PRDM6: variants seen among roughly 807,000 people sequenced by gnomAD.
PRDM6 encodes PR/SET domain 6, also known as putative histone-lysine N-methyltransferase PRDM6.
In PRDM6, 25 loss-of-function variants were observed where a neutral mutation model predicts 60.8. That is an observed-to-expected ratio of 0.41 (90% confidence interval 0.30 to 0.57). The LOEUF (loss-of-function observed/expected upper bound fraction) is 0.57, where lower values mean the gene tolerates loss of function less well. Ranked by LOEUF, PRDM6 falls within the 20% of genes least tolerant of loss-of-function variation. The probability of loss-of-function intolerance (pLI) is 0.27; values close to 1 mark genes in which losing one functional copy is unlikely to be tolerated. For missense variants in PRDM6, 839 were observed against 821.3 expected, an observed-to-expected ratio of 1.02 and a Z score of -0.26; for synonymous variants, 407 against 357.4, an observed-to-expected ratio of 1.14 and a Z score of -1.57.
intron 3 of PRDM6, among the ~76,000 whole-genome samples, chr5:123,125,151 T>G (rs59788802): frequency 5.7e-5 from 8 of 139,770 alleles, no homozygotes; most frequent in African/African-American, 2.1e-4. Flanking sequence ...CCGCACCCCC[T>G]CCCCCCCACC....
At chr5:123,153,433 A>G (rs574930560) in intron 3 of PRDM6, among the ~76,000 whole-genome samples, 1 of 152,322 alleles carries the variant, frequency 6.6e-6, no homozygotes, top group African/African-American at 2.4e-5. Context: ...AGAAAGCAGT[A>G]TCAAGGTTGA....
At position 123,119,167 on chromosome 5, in the gene PRDM6, C is replaced by T. The variant is rs190710468; in HGVS notation, c.900+19206C>T. ...GCATTAACTGTTACTATCTCCTACC[C>T]ACAAATAAACAAACAAGAAAAAAAC... On this transcript the variant is annotated intron_variant, in intron 3 of 7. Coordinates refer to ENST00000407847, the MANE Select transcript of PRDM6 (RefSeq NM_001136239.4). 2.6e-4 allele frequency among the ~76,000 whole-genome samples: 40 copies of T among 151,224 alleles called. No homozygotes were observed. The East Asian group carries it at 5.8e-3, about 22-fold the overall frequency.
chr5:123,161,875 C>G (rs1177001147), intron 5 of PRDM6, among the ~76,000 whole-genome samples: 1 of 152,154 alleles, frequency 6.6e-6, no homozygotes, highest in Non-Finnish European at 1.5e-5. Context: ...GGACAGTAGA[C>G]TGGACAGGGG....
intron 3 of PRDM6, among the ~76,000 whole-genome samples, chr5:123,118,230 A>G (rs1764502489): frequency 6.6e-6 from 1 of 152,252 alleles, no homozygotes; most frequent in Admixed American, 6.5e-5. Flanking sequence ...ATGGAATTCA[A>G]GTTGGGATAA....
intron 3 of PRDM6, among the ~76,000 whole-genome samples, chr5:123,143,106 A>C (rs1479238391): frequency 6.6e-6 from 1 of 151,290 alleles, no homozygotes; most frequent in South Asian, 2.1e-4. Context: ...AGTCAGTACT[A>C]TCCTTTTATC....
At chr5:123,142,568 G>A (rs1325716563) in intron 3 of PRDM6, among the ~76,000 whole-genome samples, 1 of 151,954 alleles carries the variant, frequency 6.6e-6, no homozygotes, top group East Asian at 1.9e-4. Context: ...AGGAAAAATG[G>A]TGGCATCATA....
At chr5:123,100,078 G>A in intron 3 of PRDM6, 117 bp downstream of exon 3, 1 of 1,072,192 alleles carries the variant, frequency 9.3e-7, no homozygotes. Flanking sequence ...AGCCTCCCTT[G>A]GCCCCCAGAG....
chr5:123,122,350 TAG>T (rs1199014056), intron 3 of PRDM6, among the ~76,000 whole-genome samples: 1 of 152,134 alleles, frequency 6.6e-6, no homozygotes, highest in East Asian at 1.9e-4. Flanking sequence ...ATGAGTGTTT[TAG>T]TAAAGTAGTC....
At chr5:123,120,354 G>A (rs1764553626) in intron 3 of PRDM6, among the ~76,000 whole-genome samples, 1 of 152,178 alleles carries the variant, frequency 6.6e-6, no homozygotes, top group Non-Finnish European at 1.5e-5. Flanking sequence ...TTGTTGAGTG[G>A]AAATGGTGTG....
chr5:123,180,221 C>G lies in PRDM6; in HGVS notation c.1571C>G (p.Ser524Cys). The change falls in exon 7 of 8, where the codon TCT becomes TGT. Residue 524 changes from serine (S) to cysteine (C), a missense_variant. By Grantham distance (112) the Ser-to-Cys change is moderately radical (BLOSUM62 -1). Coordinates refer to ENST00000407847, the MANE Select transcript of PRDM6 (RefSeq NM_001136239.4). ...CTGAGGAACCACGTGGTCACTCACT[C>G]TAGTGACCGGCCTTTCAAGTGCGGC... The part of the protein sequence containing the change: ...SELRNHVVTH[S>C]SDRPFKCGYC... 1.3e-6 allele frequency: 2 copies of G among 1,552,060 alleles called. No homozygotes were observed. Among genetic ancestry groups the G allele is most frequent in the Non-Finnish European group, 1.7e-6 (2 of 1,147,030 alleles).
chr5:123,101,310 G>A (rs1208650555), intron 3 of PRDM6, among the ~76,000 whole-genome samples: 1 of 152,150 alleles, frequency 6.6e-6, no homozygotes, highest in East Asian at 1.9e-4. Context: ...TGGAGGAGGA[G>A]CTGAGTGTAT....
At chr5:123,140,958 A>G (rs1765084945) in intron 3 of PRDM6, among the ~76,000 whole-genome samples, 1 of 152,074 alleles carries the variant, frequency 6.6e-6, no homozygotes, top group Admixed American at 6.6e-5. Flanking sequence ...CTCAGATTCT[A>G]AGTTAAAATT....
intron 2 of PRDM6, 42 bp downstream of exon 2, chr5:123,090,648 C>A: frequency 7.9e-7 from 1 of 1,270,422 alleles, no homozygotes; most frequent in Non-Finnish European, 1.0e-6. Context: ...GGGGCGCCGG[C>A]GCCGGCGCCG....
intron 3 of PRDM6, among the ~76,000 whole-genome samples, chr5:123,100,692 T>C (rs764277044): frequency 1.2e-4 from 18 of 152,258 alleles, no homozygotes; most frequent in Non-Finnish European, 1.9e-4. Context: ...TGTAACCCAA[T>C]TGAGGGTAAT....
At chr5:123,143,442 T>C (rs1765167030) in intron 3 of PRDM6, among the ~76,000 whole-genome samples, 1 of 152,174 alleles carries the variant, frequency 6.6e-6, no homozygotes, top group Admixed American at 6.5e-5. Flanking sequence ...TAACAATGTG[T>C]AACTAGGTGC....
At chr5:123,142,899 A>C (rs867042706) in intron 3 of PRDM6, among the ~76,000 whole-genome samples, 350 of 129,924 alleles carry the variant, frequency 2.7e-3, no homozygotes, top group Middle Eastern at 4.1e-3. Flanking sequence ...AAAAAAAAAA[A>C]AAACAAACAA....
intron 3 of PRDM6, among the ~76,000 whole-genome samples, chr5:123,143,327 G>A (rs370265570): frequency 2.0e-5 from 3 of 152,046 alleles, no homozygotes; most frequent in Admixed American, 6.6e-5. Context: ...TAGACCCGAC[G>A]TAAGAGATTT....
chr5:123,153,597 G>T (rs1051427102), intron 3 of PRDM6, among the ~76,000 whole-genome samples: 19 of 152,146 alleles, frequency 1.2e-4, no homozygotes, highest in African/African-American at 4.3e-4. Flanking sequence ...TGATATTTGG[G>T]AAAAGCCTGA....
intron 4 of PRDM6, among the ~76,000 whole-genome samples, chr5:123,159,147 AG>A (rs1176181763): frequency 6.6e-6 from 1 of 152,196 alleles, no homozygotes; most frequent in Non-Finnish European, 1.5e-5. Context: ...AGAAATCAAT[AG>A]TATTTATATA....
Sources: allele counts gnomAD v4.1 joint callset (sites outside exome capture counted in the v4.1 genomes callset), GRCh38; gene constraint gnomAD v4.1.1; transcripts MANE v1.5; gene names NCBI Gene and HGNC (gene_info 2026-07-23, HGNC 2026-07-21).